FAM13B: variants seen among roughly 807,000 people sequenced by gnomAD.
The protein encoded by FAM13B is family with sequence similarity 13 member B.
A neutral mutation model predicts 117.3 loss-of-function variants in FAM13B; 60 were observed. That is an observed-to-expected ratio of 0.51 (90% CI 0.42 to 0.63). The LOEUF (loss-of-function observed/expected upper bound fraction) is 0.63. Ranked by LOEUF, FAM13B falls within the 30% of genes least tolerant of loss-of-function variation. FAM13B has a pLI of 0.00. For missense variants in FAM13B, 972 were observed against 1,091.9 expected (o/e 0.89, Z 1.55); for synonymous variants, 332 against 356.1 (o/e 0.93, Z 0.76).
At chr5:138,024,999 T>C (rs1055516483) in intron 1 of FAM13B, among the ~76,000 whole-genome samples, 2 of 151,606 alleles carry the variant, frequency 1.3e-5, no homozygotes, top group Non-Finnish European at 2.9e-5. Context: ...GCCTCCTGAG[T>C]AGTAGAGATC....
intron 1 of FAM13B, among the ~76,000 whole-genome samples, chr5:138,028,171 G>C (rs1454216184): frequency 6.6e-6 from 1 of 152,122 alleles, no homozygotes; most frequent in Non-Finnish European, 1.5e-5. Flanking sequence ...TTAAATTAAA[G>C]AGGGCTCTAT....
chr5:138,046,481 T>C (rs533192107), intron 1 of FAM13B, among the ~76,000 whole-genome samples: 1 of 152,372 alleles, frequency 6.6e-6, no homozygotes, highest in East Asian at 1.9e-4. Flanking sequence ...GGATGGTGGC[T>C]ACACAGGTGT....
At chr5:138,040,696 A>G (rs1400397529) in intron 1 of FAM13B, among the ~76,000 whole-genome samples, 2 of 152,244 alleles carry the variant, frequency 1.3e-5, no homozygotes, top group Non-Finnish European at 2.9e-5. Context: ...AAAACTTGCC[A>G]TGCTGAAAAG....
chr5:138,018,979 C>T lies in FAM13B; in HGVS notation c.133G>A (p.Val45Ile), dbSNP rs754701574. 27 of 1,613,910 alleles carry T rather than the reference C, an allele frequency of 1.7e-5. No individual in the cohort carries two copies. Among genetic ancestry groups the T allele is most frequent in the Admixed American group, 3.3e-5 (2 of 59,994 alleles). The stretch of plus-strand genomic sequence containing the variant: ...CCATGTTCCTCAATATAGTCCACAA[C>T]GTGGCGGACTATGAATGGAACCTCA... ...DNEVPFIVRH[V>I]VDYIEEHGGL... Residue 45 changes from valine (V) to isoleucine (I), a missense_variant, in exon 3 of 24, where the codon GTT becomes ATT. Coordinates refer to ENST00000689681, the MANE Select transcript of FAM13B (RefSeq NM_001385994.1).
chr5:138,025,202 A>G (rs1172902386), intron 1 of FAM13B, among the ~76,000 whole-genome samples: 2 of 151,216 alleles, frequency 1.3e-5, no homozygotes, highest in Non-Finnish European at 2.9e-5. Context: ...GTTGCCTAGC[A>G]TGGTGTTATT....
In FAM13B at chr5:137,953,319, G is replaced by GAAT; in HGVS notation, c.1848+14_1848+16dup. On this transcript the variant is annotated intron_variant, in intron 16 of 23. Transcript: ENST00000689681. ...AATATTAGATTAAGCTCACTCTGGG[G>GAAT]AATGCTACAAACCTACCTTGCTATT... is the stretch of plus-strand genomic sequence containing the variant. The GAAT allele has an allele frequency of 6.2e-7, 1 of 1,612,800 alleles. No homozygotes were observed. The highest frequency in any genetic ancestry group is 1.1e-5 in the South Asian group (1 of 90,932).
At chr5:138,023,524 T>C (rs1432699185) in intron 1 of FAM13B, among the ~76,000 whole-genome samples, 2 of 152,224 alleles carry the variant, frequency 1.3e-5, no homozygotes, top group African/African-American at 2.4e-5. Context: ...TATTTTTTCA[T>C]GTAAATTATC....
chr5:137,946,190 G>T, intron 19 of FAM13B, 38 bp downstream of exon 19: 1 of 1,514,782 alleles, frequency 6.6e-7, no homozygotes, highest in Non-Finnish European at 9.0e-7. Flanking sequence ...TCTTTTTTAA[G>T]ACATAAAATC....
At position 138,045,949 on chromosome 5, in the gene FAM13B, A is replaced by AG. The variant is rs549917568; in HGVS notation, c.-203+5928_-203+5929insC. 7.2e-5 allele frequency among the ~76,000 whole-genome samples: 11 copies of AG among 151,784 alleles called. 1 individual carries two copies. The highest frequency in any genetic ancestry group is 3.9e-4 in the East Asian group (2 of 5,166). Reference sequence around the variant, plus strand: ...AACAAGAGTGAAATTCCATCTCAAAAAAAAAAAAAAATTATAAAGAGTATG... The same window carrying AG: ...AACAAGAGTGAAATTCCATCTCAAAAGAAAAAAAAAAATTATAAAGAGTATG... On this transcript the variant is annotated intron_variant, in intron 1 of 3. Coordinates refer to the FAM13B transcript ENST00000502471.
chr5:138,034,425 A>C (rs930105772), upstream of FAM13B, among the ~76,000 whole-genome samples: 1 of 152,202 alleles, frequency 6.6e-6, no homozygotes, highest in Non-Finnish European at 1.5e-5. Flanking sequence ...TCTGATTCCA[A>C]ACTCAGCTAG....
chr5:137,942,899 A>C lies in FAM13B; in HGVS notation c.2564T>G (p.Leu855Trp), dbSNP rs900475949. 1.9e-6 allele frequency: 3 copies of C among 1,610,566 alleles called. No individual in the cohort carries two copies. The highest frequency in any genetic ancestry group is 1.7e-5 in the Admixed American group (1 of 58,968). Reference sequence around the variant, plus strand: ...CATAGAAGCTGCTCGAGAACTTGACAATCGGAGATCCAGAGCCAGTTTTTC... The same window carrying C: ...CATAGAAGCTGCTCGAGAACTTGACCATCGGAGATCCAGAGCCAGTTTTTC... ...NQEKLALDLR[L>W]SSSRAASMPE... Residue 855 changes from leucine (L) to tryptophan (W), a missense_variant, in exon 22 of 24, where the codon TTG (leucine) becomes TGG (tryptophan). Coordinates refer to ENST00000689681, the MANE Select transcript of FAM13B (RefSeq NM_001385994.1).
At chr5:137,940,469 TA>T (rs3214311) in intron 23 of FAM13B, 121 bp from the exon 24 acceptor site, 127,947 of 506,708 alleles carry the variant, frequency 0.25, 6 homozygotes, top group East Asian at 0.31. Context: ...GTTGTTCTGT[TA>T]AAAAAAAAAA....
At chr5:137,957,206 T>C (rs1363856542) in intron 13 of FAM13B, among the ~76,000 whole-genome samples, 1 of 152,106 alleles carries the variant, frequency 6.6e-6, no homozygotes, top group African/African-American at 2.4e-5. Flanking sequence ...GGGTCTAAAG[T>C]AAGTTGGTCT....
At position 137,943,070 on chromosome 5, in the gene FAM13B, T is replaced by C; in HGVS notation, c.2425-32A>G. ...AGATATCCAAACAGAGAATCAAACATGCCTTGTCTTTGAACTCTTCCCTTA... is the reference window on the plus strand; with the variant it reads ...AGATATCCAAACAGAGAATCAAACACGCCTTGTCTTTGAACTCTTCCCTTA... On this transcript the variant is annotated intron_variant, in intron 21 of 23. Transcript: ENST00000689681. 3 of 1,612,972 alleles carry C rather than the reference T, an allele frequency of 1.9e-6. No individual in the cohort carries two copies. In the East Asian group the frequency reaches 6.7e-5, roughly 36 times the overall value.
chr5:137,962,975 T>C (rs10036824), intron 10 of FAM13B, among the ~76,000 whole-genome samples: 26,027 of 151,958 alleles, frequency 0.17, 2,350 homozygotes, highest in African/African-American at 0.18. Context: ...CTCATCCCTA[T>C]TCCCCCCCAA....
At chr5:138,012,473 A>G (rs1476238067) in intron 4 of FAM13B, among the ~76,000 whole-genome samples, 2 of 152,172 alleles carry the variant, frequency 1.3e-5, no homozygotes, top group African/African-American at 2.4e-5. Context: ...CCTAAAATAA[A>G]CAATTAACTT....
chr5:137,979,013 CTT>C (rs1255405160), intron 10 of FAM13B, among the ~76,000 whole-genome samples: 45 of 138,224 alleles, frequency 3.3e-4, no homozygotes, highest in Non-Finnish European at 3.6e-4. Context: ...ACAGTTCAGA[CTT>C]TTTTTTTTTT....
chr5:138,020,164 G>A (rs867269723), intron 2 of FAM13B, among the ~76,000 whole-genome samples: 49 of 149,922 alleles, frequency 3.3e-4, no homozygotes, highest in Middle Eastern at 3.4e-3. Flanking sequence ...GGGTTCAGGC[G>A]GTTCTCCTGC....
chr5:138,042,634 TAAAAGA>T (rs1581330977), intron 1 of FAM13B, among the ~76,000 whole-genome samples: 2 of 34,616 alleles, frequency 5.8e-5, no homozygotes, highest in South Asian at 2.3e-3. Flanking sequence ...GGGAAAAACT[TAAAAGA>T]AAAAAAAAAA....
Sources: gnomAD v4.1 joint callset for allele counts (sites outside exome capture counted in the v4.1 genomes callset) on GRCh38, gnomAD v4.1.1 for gene constraint, MANE v1.5 for transcripts, NCBI Gene and HGNC (gene_info 2026-07-23, HGNC 2026-07-21) for gene names.